POFUT3: variants seen among roughly 807,000 people sequenced by gnomAD.
POFUT3 encodes protein O-fucosyltransferase 3.
the POFUT3 span, among the ~76,000 whole-genome samples, chr8:33,398,225 C>T: frequency 3.3e-5 from 5 of 152,088 alleles, no homozygotes; most frequent in African/African-American, 9.7e-5. Flanking sequence ...TTTTGTTTTT[C>T]AATTTTTAAT....
chr8:33,436,182 G>T, the POFUT3 span: 1 of 1,249,518 alleles, frequency 8.0e-7, no homozygotes, highest in Non-Finnish European at 1.1e-6. Flanking sequence ...GTTCCTAAGG[G>T]ACTGAATGCA....
At chr8:33,369,512 ACTT>A in the POFUT3 span, among the ~76,000 whole-genome samples, 1 of 152,228 alleles carries the variant, frequency 6.6e-6, no homozygotes, top group African/African-American at 2.4e-5. Context: ...TGAGCAATAA[ACTT>A]CTGTTTCTTA....
At chr8:33,370,285 G>A in the POFUT3 span, among the ~76,000 whole-genome samples, 3 of 151,836 alleles carry the variant, frequency 2.0e-5, no homozygotes, top group Non-Finnish European at 2.9e-5. Flanking sequence ...AACCCAGGAG[G>A]TGGAGGTTGC....
chr8:33,442,546 AG>A, the POFUT3 span, among the ~76,000 whole-genome samples: 17 of 151,970 alleles, frequency 1.1e-4, no homozygotes, highest in African/African-American at 4.1e-4. Context: ...AGCCTCCCAA[AG>A]TGCTGGGATT....
At chr8:33,417,640 GAAC>G in the POFUT3 span, among the ~76,000 whole-genome samples, 2 of 152,122 alleles carry the variant, frequency 1.3e-5, no homozygotes, top group South Asian at 2.1e-4. Flanking sequence ...CAGGGTTAGG[GAAC>G]AACAAGTCCA....
At chr8:33,405,938 T>G in the POFUT3 span, among the ~76,000 whole-genome samples, 3 of 152,204 alleles carry the variant, frequency 2.0e-5, no homozygotes, top group African/African-American at 7.2e-5. Context: ...TTAAAAAAGT[T>G]CAAACTTGGA....
chr8:33,380,049 ACAC>A, the POFUT3 span, among the ~76,000 whole-genome samples: 2 of 77,468 alleles, frequency 2.6e-5, no homozygotes, highest in African/African-American at 1.5e-4. Flanking sequence ...CGATATATAT[ACAC>A]TATATATATA....
At chr8:33,455,229 A>T in the POFUT3 span, among the ~76,000 whole-genome samples, 2 of 152,148 alleles carry the variant, frequency 1.3e-5, no homozygotes, top group Admixed American at 1.3e-4. Context: ...TCCCACTTAG[A>T]ACCACATTTT....
the POFUT3 span, chr8:33,371,239 T>G: frequency 6.6e-6 from 1 of 152,202 alleles, no homozygotes; most frequent in Non-Finnish European, 1.5e-5. Flanking sequence ...TATAGACACC[T>G]TCTCTCATCC....
chr8:33,392,003 C>G, the POFUT3 span, among the ~76,000 whole-genome samples: 1 of 152,116 alleles, frequency 6.6e-6, no homozygotes, highest in Non-Finnish European at 1.5e-5. Context: ...GATGAATGCT[C>G]TCCTGCATTC....
At chr8:33,309,138 TA>T in the POFUT3 span, among the ~76,000 whole-genome samples, 105 of 41,606 alleles carry the variant, frequency 2.5e-3, 1 homozygote, top group African/African-American at 6.5e-3. Flanking sequence ...CTGGGGAGTG[TA>T]AAAAAAAAAA....
chr8:33,468,586 G>A, the POFUT3 span, among the ~76,000 whole-genome samples: 1 of 152,230 alleles, frequency 6.6e-6, no homozygotes, highest in Non-Finnish European at 1.5e-5. Context: ...GCGAAGACAT[G>A]TGATAGGCTG....
chr8:33,454,232 G>A, the POFUT3 span, among the ~76,000 whole-genome samples: 1 of 152,186 alleles, frequency 6.6e-6, no homozygotes, highest in Non-Finnish European at 1.5e-5. Context: ...GGTCAGCAGG[G>A]CTGCATTCCT....
the POFUT3 span, among the ~76,000 whole-genome samples, chr8:33,439,295 C>A: frequency 1.3e-5 from 2 of 151,814 alleles, no homozygotes; most frequent in Non-Finnish European, 2.9e-5. Context: ...CCCAGCTACT[C>A]GAGAGGCTGA....
At chr8:33,354,717 C>T in the POFUT3 span, among the ~76,000 whole-genome samples, 1 of 152,156 alleles carries the variant, frequency 6.6e-6, no homozygotes, top group Admixed American at 6.5e-5. Context: ...TTAACCATCA[C>T]ATGTTATCTT....
the POFUT3 span, among the ~76,000 whole-genome samples, chr8:33,373,059 G>A: frequency 2.6e-5 from 4 of 152,140 alleles, no homozygotes; most frequent in South Asian, 4.2e-4. Context: ...ACTTAAGATC[G>A]AATATAGTTC....
At chr8:33,408,071 C>T in the POFUT3 span, among the ~76,000 whole-genome samples, 16 of 151,370 alleles carry the variant, frequency 1.1e-4, no homozygotes, top group East Asian at 2.9e-3. Context: ...CACCTCTAAT[C>T]CCAGTACTTT....
chr8:33,344,070 C>T, the POFUT3 span, among the ~76,000 whole-genome samples: 2 of 152,070 alleles, frequency 1.3e-5, no homozygotes, highest in East Asian at 1.9e-4. Flanking sequence ...TCCGTTAGTT[C>T]GTTTGTCTTG....
At chr8:33,456,771 CTTT>C in the POFUT3 span, among the ~76,000 whole-genome samples, 23 of 117,308 alleles carry the variant, frequency 2.0e-4, no homozygotes, top group African/African-American at 3.7e-4. Context: ...TTTCTTTTTT[CTTT>C]TTTTTTTTTT....
Sources: gnomAD v4.1 joint callset for allele counts (sites outside exome capture counted in the v4.1 genomes callset) on GRCh38, gnomAD v4.1.1 for gene constraint, MANE v1.5 for transcripts, NCBI Gene and HGNC (gene_info 2026-07-23, HGNC 2026-07-21) for gene names.